The following ABCC1 variants were observed in gnomAD, a reference collection of about 807,000 sequenced individuals.
The protein encoded by ABCC1 is multidrug resistance-associated protein 1.
In ABCC1, 83 loss-of-function variants were observed where a neutral mutation model predicts 172.9. The observed-to-expected ratio is 0.48, with a 90% CI of 0.40 to 0.58. ABCC1 has a LOEUF of 0.58. Among genes scored for constraint, ABCC1 ranks in the 20% least tolerant of loss-of-function variants. The pLI is 0.00. For missense variants in ABCC1, 1,817 were observed against 2,002.7 expected (o/e 0.91, Z 1.77); for synonymous variants, 937 against 825.2 (o/e 1.14, Z -2.32).
At chr16:16,048,033 T>C (rs1449173725) in intron 9 of ABCC1, 109 bp from the exon 10 acceptor site, 20 of 1,360,518 alleles carry the variant, frequency 1.5e-5, no homozygotes, top group Non-Finnish European at 2.0e-5. Context: ...AGGAGAGATC[T>C]GCGGCATTTC....
intron 13 of ABCC1, among the ~76,000 whole-genome samples, chr16:16,068,653 C>T (rs2050206567): frequency 6.6e-6 from 1 of 152,040 alleles, no homozygotes; most frequent in South Asian, 2.1e-4. Flanking sequence ...ATTGATTTTA[C>T]AACCCACTGA....
chr16:16,122,972 G>A (rs960469683), intron 24 of ABCC1, among the ~76,000 whole-genome samples: 2 of 152,146 alleles, frequency 1.3e-5, no homozygotes, highest in African/African-American at 4.8e-5. Flanking sequence ...GCAGAAGTTT[G>A]CTAATTATTT....
chr16:15,997,650 C>T (rs16967179), intron 1 of ABCC1, among the ~76,000 whole-genome samples: 2,957 of 152,086 alleles, frequency 0.019, 98 homozygotes, highest in African/African-American at 0.067. Flanking sequence ...GGGAATCGTC[C>T]CTTCCTTGAG....
chr16:16,072,768 A>G (rs946468481), intron 14 of ABCC1, among the ~76,000 whole-genome samples: 2 of 151,890 alleles, frequency 1.3e-5, no homozygotes, highest in African/African-American at 4.8e-5. Flanking sequence ...TAGGCCGGGC[A>G]CAGTGGCTCA....
intron 11 of ABCC1, 138 bp from the exon 12 acceptor site, chr16:16,055,954 G>GAAA: frequency 3.1e-6 from 2 of 654,440 alleles, no homozygotes; most frequent in Admixed American, 3.5e-5. Context: ...CTATTGAAAA[G>GAAA]AAAAAAAAAA....
At chr16:16,050,323 G>C (rs1180820331) in intron 10 of ABCC1, among the ~76,000 whole-genome samples, 3 of 152,082 alleles carry the variant, frequency 2.0e-5, no homozygotes, top group African/African-American at 7.2e-5. Context: ...GTCAGGCATG[G>C]TGGTGTATGC....
chr16:16,056,328 T>G, intron 12 of ABCC1, 33 bp downstream of exon 12: 2 of 1,610,672 alleles, frequency 1.2e-6, no homozygotes, highest in Non-Finnish European at 1.7e-6. Flanking sequence ...TGGCCCTCAT[T>G]GTTTGATGTT....
At chr16:16,132,050 T>A in intron 27 of ABCC1, 115 bp downstream of exon 27, 1 of 1,331,420 alleles carries the variant, frequency 7.5e-7, no homozygotes, top group Non-Finnish European at 1.0e-6. Flanking sequence ...ACACCTTTGC[T>A]TGAATGGCTT....
At chr16:16,028,770 C>T (rs573083678) in intron 5 of ABCC1, among the ~76,000 whole-genome samples, 50 of 152,272 alleles carry the variant, frequency 3.3e-4, no homozygotes, top group Non-Finnish European at 5.4e-4. Flanking sequence ...GTAGGACAAA[C>T]GACTCCCATT....
At chr16:16,111,656 C>T in intron 22 of ABCC1, 74 bp downstream of exon 22, 1 of 1,380,868 alleles carries the variant, frequency 7.2e-7, no homozygotes, top group African/African-American at 1.4e-5. Flanking sequence ...GAAATGGATC[C>T]TTAGAGTCCT....
At chr16:16,104,909 C>G (rs984975338) in intron 20 of ABCC1, among the ~76,000 whole-genome samples, 7 of 152,156 alleles carry the variant, frequency 4.6e-5, no homozygotes, top group African/African-American at 9.7e-5. Context: ...CGGGGCTGCC[C>G]GGCAGCTCTG....
At chr16:16,087,104 G>T in intron 18 of ABCC1, 113 bp downstream of exon 18, 1 of 1,217,490 alleles carries the variant, frequency 8.2e-7, no homozygotes, top group Non-Finnish European at 1.1e-6. Context: ...GTTTTTAATT[G>T]GACTTTAAAG....
At chr16:16,063,172 T>A (rs1261301785) in intron 12 of ABCC1, among the ~76,000 whole-genome samples, 2 of 152,196 alleles carry the variant, frequency 1.3e-5, no homozygotes, top group Non-Finnish European at 1.5e-5. Context: ...AGTGGCACAA[T>A]CACAGCTCAC....
chr16:15,964,239 G>A (rs2046197893), intron 1 of ABCC1, among the ~76,000 whole-genome samples: 1 of 151,862 alleles, frequency 6.6e-6, no homozygotes, highest in Non-Finnish European at 1.5e-5. Flanking sequence ...CACTGCGCCC[G>A]GCCAATTTCC....
intron 30 of ABCC1, 103 bp downstream of exon 30, chr16:16,138,661 T>C: frequency 1.1e-6 from 1 of 925,436 alleles, no homozygotes; most frequent in South Asian, 3.0e-5. Context: ...TTATCCCTAG[T>C]GACAGCCCCA....
At chr16:16,064,433 C>A (rs1424650475) in intron 12 of ABCC1, among the ~76,000 whole-genome samples, 1 of 152,204 alleles carries the variant, frequency 6.6e-6, no homozygotes, top group South Asian at 2.1e-4. Flanking sequence ...GATGGGTGCT[C>A]AGTTACCACC....
chr16:15,949,390 C>T (rs1042276158), upstream of ABCC1, among the ~76,000 whole-genome samples: 9 of 151,970 alleles, frequency 5.9e-5, no homozygotes, highest in African/African-American at 1.9e-4. Context: ...CAACGCTCCC[C>T]AGGCCCGTCC....
At position 16,009,814 on chromosome 16, in the gene ABCC1, C is replaced by T; in HGVS notation, c.264C>T (p.Asp88=). 1 of 1,610,610 alleles carries T rather than the reference C, an allele frequency of 6.2e-7. No individual in the cohort carries two copies. Among genetic ancestry groups the T allele is most frequent in the Non-Finnish European group, 8.5e-7 (1 of 1,178,674 alleles). The change falls in exon 3 of 31, where the codon GAC becomes GAT. Residue 88 remains aspartate, a synonymous_variant. Coordinates refer to ENST00000399410, the MANE Select transcript of ABCC1 (RefSeq NM_004996.4). ...TGCTGTGGATCGTCTGCTGGGCAGA[C>T]CTCTTCTACTCTTTCTGGGAAAGAA... ...GFLLWIVCWA[D]LFYSFWERSR... is the part of the protein sequence containing the mutation.
chr16:15,952,804 C>T (rs1426973726), intron 1 of ABCC1, among the ~76,000 whole-genome samples: 47 of 130,686 alleles, frequency 3.6e-4, no homozygotes, highest in South Asian at 1.0e-3. Flanking sequence ...CTGAGGCAGG[C>T]GGATTGCTTG....
Sources: allele counts gnomAD v4.1 joint callset (sites outside exome capture counted in the v4.1 genomes callset), GRCh38; gene constraint gnomAD v4.1.1; transcripts MANE v1.5; gene names NCBI Gene and HGNC (gene_info 2026-07-23, HGNC 2026-07-21).